TGM6: variants seen among roughly 807,000 people sequenced by gnomAD.
The protein encoded by TGM6 is transglutaminase 6.
Under a neutral mutation model 77.5 loss-of-function variants are expected in TGM6, and 74 were observed. The observed-to-expected ratio is 0.96, with a 90% CI of 0.79 to 1.16. The LOEUF is 1.16. TGM6 is among the 50% of genes most tolerant of loss of function. The probability of loss-of-function intolerance (pLI) is 0.00; values close to 1 mark genes in which losing one functional copy is unlikely to be tolerated. For synonymous variants in TGM6, 383 were observed against 378.9 expected (o/e 1.01, Z -0.12); for missense variants, 968 against 940.2 (o/e 1.03, Z -0.39).
intron 9 of TGM6, among the ~76,000 whole-genome samples, chr20:2,412,809 G>A: frequency 6.6e-6 from 1 of 151,950 alleles, no homozygotes; most frequent in East Asian, 1.9e-4. Flanking sequence ...AAGTACTTAG[G>A]AATAAATTCA....
intron 1 of TGM6, 82 bp downstream of exon 1, chr20:2,381,057 T>C: frequency 6.4e-7 from 1 of 1,551,848 alleles, no homozygotes; most frequent in South Asian, 1.2e-5. Context: ...GGGATGACGT[T>C]TGATCATCGA....
intron 1 of TGM6, among the ~76,000 whole-genome samples, chr20:2,389,386 A>G (rs184459665): frequency 1.2e-4 from 19 of 152,332 alleles, no homozygotes; most frequent in South Asian, 6.2e-4. Context: ...AGAAACTCCA[A>G]TTAAGAGCTG....
chr20:2,396,358 G>T (rs1599948770), intron 3 of TGM6, 148 bp from the exon 4 acceptor site: 5 of 755,090 alleles, frequency 6.6e-6, no homozygotes, highest in Middle Eastern at 2.5e-4. Context: ...CAGGGAGGCA[G>T]CACGGGAGCT....
intron 9 of TGM6, among the ~76,000 whole-genome samples, chr20:2,408,113 G>T (rs1173637254): frequency 2.0e-5 from 3 of 152,170 alleles, no homozygotes; most frequent in East Asian, 3.9e-4. Context: ...AGTCCAACAG[G>T]ATTCCAGACT....
At chr20:2,399,268 C>T (rs2084688984) in intron 5 of TGM6, among the ~76,000 whole-genome samples, 1 of 152,162 alleles carries the variant, frequency 6.6e-6, no homozygotes, top group Admixed American at 6.5e-5. Context: ...TTAGCTGTCC[C>T]TATAATGATT....
rs2084692782 is a variant in TGM6, at chr20:2,399,700, A to G, written c.812A>G (p.Tyr271Cys). 1 of 1,614,014 alleles carries G rather than the reference A, an allele frequency of 6.2e-7. No homozygotes were observed. Among genetic ancestry groups the G allele is most frequent in the Non-Finnish European group, 8.5e-7 (1 of 1,179,988 alleles). Residue 271 changes from tyrosine to cysteine, a missense_variant, in exon 6 of 13, where the codon TAC becomes TGC. Coordinates refer to ENST00000202625, the MANE Select transcript of TGM6 (RefSeq NM_198994.3). ...WLKGRYKPVK[Y>C]GQCWVFAGVL... is the part of the protein sequence containing the mutation. ...AAGGGCAGGTACAAGCCAGTCAAGT[A>G]CGGCCAGTGCTGGGTCTTCGCCGGA...
At chr20:2,429,733 C>T (rs954048172) in intron 10 of TGM6, among the ~76,000 whole-genome samples, 6 of 151,718 alleles carry the variant, frequency 4.0e-5, no homozygotes, top group African/African-American at 1.2e-4. Flanking sequence ...CATGCCACTG[C>T]ACTCCAGCCT....
chr20:2,412,019 A>G (rs1468444517), intron 9 of TGM6, among the ~76,000 whole-genome samples: 1 of 152,236 alleles, frequency 6.6e-6, no homozygotes, highest in Non-Finnish European at 1.5e-5. Context: ...CAAAACATCT[A>G]TAGCCATACC....
Position 2,399,583 on chromosome 20 carries a change from G to A in TGM6, c.695G>A (p.Gly232Asp), listed in dbSNP as rs1281861464. ...SAMVNSNNDR[G>D]VVQGQWQGKY... is the part of the protein sequence containing the mutation. ...CAGGTGAACAGCAACAACGACCGAG[G>A]TGTGGTGCAAGGACAGTGGCAGGGC... The change falls in exon 6 of 13, where the codon GGT (glycine) becomes GAT (aspartate). Residue 232 changes from glycine to aspartate, a missense_variant. Coordinates refer to ENST00000202625, the MANE Select transcript of TGM6 (RefSeq NM_198994.3). 6.2e-7 allele frequency: 1 copy of A among 1,613,234 alleles called. No homozygotes were observed. Among genetic ancestry groups the A allele is most frequent in the South Asian group, 1.1e-5 (1 of 91,028 alleles).
chr20:2,393,674 G>A (rs964910005), intron 1 of TGM6, among the ~76,000 whole-genome samples: 2 of 151,934 alleles, frequency 1.3e-5, no homozygotes, highest in South Asian at 2.1e-4. Context: ...ACAGGCACCC[G>A]CCACCACGCC....
intron 4 of TGM6, among the ~76,000 whole-genome samples, chr20:2,397,243 A>G (rs1293257263): frequency 2.0e-5 from 3 of 152,208 alleles, no homozygotes; most frequent in African/African-American, 4.8e-5. Context: ...CAGAGGGAAG[A>G]GCAGGCAGAG....
intron 2 of TGM6, among the ~76,000 whole-genome samples, chr20:2,394,841 T>C (rs2084651980): frequency 6.6e-6 from 1 of 152,036 alleles, no homozygotes; most frequent in Non-Finnish European, 1.5e-5. Flanking sequence ...TGGGATGACC[T>C]CTCTGGAACC....
chr20:2,427,836 GC>G (rs1363491674), intron 10 of TGM6, among the ~76,000 whole-genome samples: 9 of 152,166 alleles, frequency 5.9e-5, no homozygotes, highest in African/African-American at 2.2e-4. Flanking sequence ...GCTCACTGTA[GC>G]CTCAACTTCC....
intron 3 of TGM6, among the ~76,000 whole-genome samples, chr20:2,396,183 A>T (rs1312083231): frequency 1.4e-5 from 2 of 142,134 alleles, no homozygotes; most frequent in Non-Finnish European, 3.2e-5. Flanking sequence ...TCTATCTCAA[A>T]AAAAAAAAAA....
At chr20:2,430,339 A>G in intron 10 of TGM6, 107 bp from the exon 11 acceptor site, 1 of 1,443,322 alleles carries the variant, frequency 6.9e-7, no homozygotes, top group South Asian at 1.2e-5. Context: ...GAATGGTTGC[A>G]AGGACCAGAG....
chr20:2,398,001 C>T lies in TGM6; in HGVS notation c.627C>T (p.Ser209=). The change falls in exon 5 of 13, where the codon TCC becomes TCT. Residue 209 remains serine (S), a synonymous_variant. Transcript: ENST00000202625. The part of the protein sequence containing the change: ...GHQNNPATDV[S]CRHNPIYVTR... ...AAAACAACCCAGCCACCGACGTGTCCTGCCGCCACAACCCCATCTACGTCA... is the reference window on the plus strand; with the variant it reads ...AAAACAACCCAGCCACCGACGTGTCTTGCCGCCACAACCCCATCTACGTCA... 1 of 1,614,184 alleles carries T rather than the reference C, an allele frequency of 6.2e-7. No homozygotes were observed.
At chr20:2,404,228 TC>T (rs769884507) in intron 9 of TGM6, among the ~76,000 whole-genome samples, 4 of 152,190 alleles carry the variant, frequency 2.6e-5, no homozygotes, top group Non-Finnish European at 5.9e-5. Context: ...AATAATAGCA[TC>T]TCCTGTTTAG....
rs777136707 is a variant in TGM6, at chr20:2,394,492, T to C, written c.48T>C (p.Asn16=). Residue 16 remains asparagine (N), a synonymous_variant, in exon 2 of 13, where the codon AAT becomes AAC. Transcript: ENST00000202625. ...VTKVDWQRSR[N]GAAHHTQEYP... ...AGGTGGACTGGCAGCGGTCGAGGAA[T>C]GGCGCTGCCCACCACACCCAGGAGT... 5 of 1,611,470 alleles carry C rather than the reference T, an allele frequency of 3.1e-6. No individual in the cohort carries two copies. The highest frequency in any genetic ancestry group is 4.2e-6 in the Non-Finnish European group (5 of 1,179,796).
At chr20:2,398,524 TC>T (rs61657904) in intron 5 of TGM6, among the ~76,000 whole-genome samples, 16,395 of 152,118 alleles carry the variant, frequency 0.11, 999 homozygotes, top group South Asian at 0.23. Context: ...AGCTTGGGCT[TC>T]CCCACAATAT....
Sources: gnomAD v4.1 joint callset for allele counts (sites outside exome capture counted in the v4.1 genomes callset) on GRCh38, gnomAD v4.1.1 for gene constraint, MANE v1.5 for transcripts, NCBI Gene and HGNC (gene_info 2026-07-23, HGNC 2026-07-21) for gene names.